The following CDH18 variants were observed in gnomAD, a reference collection of about 807,000 sequenced individuals.
The protein encoded by CDH18 is cadherin-18.
Under a neutral mutation model 67.9 loss-of-function variants are expected in CDH18, and 31 were observed. The ratio of observed to expected loss-of-function variants is 0.46; its 90% CI spans 0.34 to 0.62. The LOEUF is 0.62. CDH18 is among the 20% of genes least tolerant of loss of function. CDH18 has a pLI of 0.01. For missense variants in CDH18, 890 were observed against 975.5 expected (o/e 0.91, Z 1.17); for synonymous variants, 362 against 347.2 (o/e 1.04, Z -0.48).
intron 1 of CDH18, among the ~76,000 whole-genome samples, chr5:20,421,158 A>T (rs191461785): frequency 6.6e-6 from 1 of 150,958 alleles, no homozygotes; most frequent in Non-Finnish European, 1.5e-5. Flanking sequence ...TTGTCATCTG[A>T]CTGACACAGG....
In CDH18 at chr5:20,469,160, T is replaced by A. The variant is rs534530211; in HGVS notation, c.-580+106302A>T. Among the ~76,000 whole-genome samples the A allele has an allele frequency of 1.5e-3, 234 of 152,252 alleles. 1 individual carries two copies. Among genetic ancestry groups the A allele is most frequent in the African/African-American group, 5.6e-3 (231 of 41,550 alleles). On this transcript the variant is annotated intron_variant, in intron 1 of 14. Transcript: ENST00000507958. ...GGCATTAAATAGAATGAACATAGGATGAGAAGAAAGACTTCAAGGGACTTT... is the reference window on the plus strand; with the variant it reads ...GGCATTAAATAGAATGAACATAGGAAGAGAAGAAAGACTTCAAGGGACTTT...
At chr5:19,522,369 T>C (rs898708243) in intron 9 of CDH18, among the ~76,000 whole-genome samples, 2 of 152,138 alleles carry the variant, frequency 1.3e-5, no homozygotes, top group Non-Finnish European at 2.9e-5. Flanking sequence ...AAGACCCATA[T>C]GCAGAATACT....
chr5:20,368,822 T>C (rs1293015968), intron 1 of CDH18, among the ~76,000 whole-genome samples: 1 of 152,196 alleles, frequency 6.6e-6, no homozygotes, highest in Non-Finnish European at 1.5e-5. Context: ...ATAAATTCAT[T>C]GCCCTCCATC....
chr5:20,091,677 T>C (rs1296992925), intron 2 of CDH18, among the ~76,000 whole-genome samples: 2 of 152,170 alleles, frequency 1.3e-5, no homozygotes, highest in East Asian at 1.9e-4. Context: ...TTTGCATTAT[T>C]ATTCTTCTTA....
intron 1 of CDH18, among the ~76,000 whole-genome samples, chr5:20,296,346 G>A (rs1280932020): frequency 1.3e-5 from 2 of 150,758 alleles, no homozygotes; most frequent in Non-Finnish European, 3.0e-5. Context: ...CTCCACCTCC[G>A]GGGTTCAGGC....
At chr5:19,849,378 A>G (rs1783382336) in intron 2 of CDH18, among the ~76,000 whole-genome samples, 1 of 151,986 alleles carries the variant, frequency 6.6e-6, no homozygotes, top group South Asian at 2.1e-4. Flanking sequence ...GCTATAAATA[A>G]AAAGAAGAAA....
chr5:20,476,654 T>C (rs1375972738), intron 1 of CDH18, among the ~76,000 whole-genome samples: 2 of 152,194 alleles, frequency 1.3e-5, no homozygotes, highest in African/African-American at 4.8e-5. Flanking sequence ...TAGAATATTT[T>C]GTGTTGCCTC....
At chr5:20,372,324 C>T (rs979260180) in intron 1 of CDH18, among the ~76,000 whole-genome samples, 6 of 151,758 alleles carry the variant, frequency 4.0e-5, no homozygotes. Flanking sequence ...TCATCTCAAA[C>T]ATTTATCTTT....
At chr5:20,324,591 T>TA (rs34793152) in intron 1 of CDH18, among the ~76,000 whole-genome samples, 16,279 of 152,040 alleles carry the variant, frequency 0.11, 956 homozygotes, top group Non-Finnish European at 0.13. Flanking sequence ...GTCAGACTTC[T>TA]AAAAAAATCC....
At chr5:20,384,254 C>G (rs1044399425) in intron 1 of CDH18, among the ~76,000 whole-genome samples, 6 of 152,234 alleles carry the variant, frequency 3.9e-5, no homozygotes, top group East Asian at 1.9e-4. Flanking sequence ...TCATTTCCCC[C>G]CTTCTCACAG....
chr5:20,163,789 T>C (rs989635888), intron 2 of CDH18, among the ~76,000 whole-genome samples: 2 of 152,252 alleles, frequency 1.3e-5, no homozygotes, highest in African/African-American at 4.8e-5. Context: ...ATTATGTTGC[T>C]GTGCAAACAT....
chr5:20,223,511 G>A (rs900012401), intron 2 of CDH18, among the ~76,000 whole-genome samples: 12 of 152,054 alleles, frequency 7.9e-5, no homozygotes, highest in African/African-American at 2.4e-4. Flanking sequence ...GGGACTGTTG[G>A]GAAGGCATGA....
intron 3 of CDH18, among the ~76,000 whole-genome samples, chr5:19,822,541 T>A (rs753353520): frequency 1.3e-5 from 2 of 152,132 alleles, no homozygotes; most frequent in Non-Finnish European, 2.9e-5. Flanking sequence ...AAGCTGGGCA[T>A]CCGGGGCAGA....
intron 2 of CDH18, among the ~76,000 whole-genome samples, chr5:20,212,169 GA>G (rs1740403600): frequency 6.6e-6 from 1 of 152,160 alleles, no homozygotes; most frequent in Non-Finnish European, 1.5e-5. Flanking sequence ...TCAACTGGAA[GA>G]AAGGGTATCA....
chr5:19,555,630 A>C (rs1184488358), intron 8 of CDH18, among the ~76,000 whole-genome samples: 1 of 152,178 alleles, frequency 6.6e-6, no homozygotes, highest in Non-Finnish European at 1.5e-5. Flanking sequence ...GACCTGCCAA[A>C]GTCTGAGCTC....
chr5:20,554,848 T>C (rs564914034), intron 1 of CDH18, among the ~76,000 whole-genome samples: 1 of 152,220 alleles, frequency 6.6e-6, no homozygotes, highest in South Asian at 2.1e-4. Flanking sequence ...TCTGAAGCAG[T>C]AAAGAAGACC....
chr5:19,885,011 C>A (rs1370974412), intron 2 of CDH18, among the ~76,000 whole-genome samples: 1 of 152,136 alleles, frequency 6.6e-6, no homozygotes, highest in African/African-American at 2.4e-5. Context: ...GATGTTACGG[C>A]AGTTCAAAAA....
chr5:19,642,643 C>T (rs890262001), intron 5 of CDH18, among the ~76,000 whole-genome samples: 1 of 151,918 alleles, frequency 6.6e-6, no homozygotes, highest in African/African-American at 2.4e-5. Flanking sequence ...TAAATGGACC[C>T]TTATTCTCAC....
chr5:19,635,378 A>G (rs1441894825), intron 5 of CDH18, among the ~76,000 whole-genome samples: 1 of 152,208 alleles, frequency 6.6e-6, no homozygotes, highest in Non-Finnish European at 1.5e-5. Context: ...AACAAAATGT[A>G]CATACAAAAA....
Sources: gnomAD v4.1 joint callset for allele counts (sites outside exome capture counted in the v4.1 genomes callset) on GRCh38, gnomAD v4.1.1 for gene constraint, MANE v1.5 for transcripts, NCBI Gene and HGNC (gene_info 2026-07-23, HGNC 2026-07-21) for gene names.